The following SHANK1 variants were observed in gnomAD, a reference collection of about 807,000 sequenced individuals.
SHANK1 encodes SH3 and multiple ankyrin repeat domains 1, also known as SH3 and multiple ankyrin repeat domains protein 1.
Under a neutral mutation model 165.6 loss-of-function variants are expected in SHANK1, and 35 were observed. The observed-to-expected ratio is 0.21, with a 90% CI of 0.16 to 0.28. The LOEUF (loss-of-function observed/expected upper bound fraction) is 0.28. Ranked by LOEUF, SHANK1 falls within the 10% of genes least tolerant of loss-of-function variation. The pLI is 1.00. For synonymous variants in SHANK1, 1,428 were observed against 1,384.8 expected (o/e 1.03, Z -0.69); for missense variants, 2,681 against 3,036.4 (o/e 0.88, Z 2.75).
rs2089116743 is a variant in SHANK1 at position 50,719,786 on chromosome 19, TC to T, written c.-425del. Among the ~76,000 whole-genome samples, 1 of 150,696 alleles carries T rather than the reference TC, an allele frequency of 6.6e-6. No individual in the cohort carries two copies. The highest frequency in any genetic ancestry group is 1.5e-5 in the Non-Finnish European group (1 of 67,532). On this transcript the variant is annotated 5_prime_UTR_variant, in exon 1 of 24. Coordinates refer to ENST00000293441, the MANE Select transcript of SHANK1 (RefSeq NM_016148.5). ...CTCCTCTGCCACCCTTCTCGCTCTC[TC>T]GCTCTCGCTGTCTCTCCCTCACCCT...
intron 21 of SHANK1, among the ~76,000 whole-genome samples, chr19:50,684,294 C>T (rs931760527): frequency 4.6e-5 from 7 of 151,836 alleles, no homozygotes; most frequent in East Asian, 1.9e-4. Context: ...GGTGCGATCT[C>T]GGCTTACTGC....
intron 21 of SHANK1, among the ~76,000 whole-genome samples, chr19:50,673,444 T>C (rs1985870271): frequency 6.6e-6 from 1 of 152,140 alleles, no homozygotes; most frequent in Non-Finnish European, 1.5e-5. Context: ...CTGCGAGCCC[T>C]GGTTCTCTCG....
chr19:50,689,756 C>T (rs538812847), intron 15 of SHANK1, among the ~76,000 whole-genome samples: 7 of 152,240 alleles, frequency 4.6e-5, no homozygotes, highest in Non-Finnish European at 7.4e-5. Context: ...TTTAGTATTT[C>T]GCACAGTGCC....
chr19:50,686,702 C>A lies in SHANK1; in HGVS notation c.2458+42G>T. 1.3e-6 allele frequency: 2 copies of A among 1,592,778 alleles called. No homozygotes were observed. The highest frequency in any genetic ancestry group is 1.1e-5 in the South Asian group (1 of 90,454). ...GACAGGGATGCAGCGGGTGCCGGGGCTGGGGCCCGGCATCCCGAGGAGCAG... is the reference window on the plus strand; with the variant it reads ...GACAGGGATGCAGCGGGTGCCGGGGATGGGGCCCGGCATCCCGAGGAGCAG... On this transcript the variant is annotated intron_variant, in intron 20 of 23. Coordinates refer to ENST00000293441, the MANE Select transcript of SHANK1 (RefSeq NM_016148.5). The surrounding 1 kb of genome is among the most constrained non-coding windows in gnomAD (Gnocchi z 5.7).
intron 15 of SHANK1, among the ~76,000 whole-genome samples, chr19:50,689,824 G>C (rs1300471465): frequency 6.6e-6 from 1 of 152,164 alleles, no homozygotes; most frequent in South Asian, 2.1e-4. Context: ...AGAGTGTTAA[G>C]TCAAGAGGAC....
In SHANK1 at chr19:50,703,645, C is replaced by T. The variant is rs1030468285; in HGVS notation, c.1408G>A (p.Gly470Ser). The change falls in exon 11 of 24, where the codon GGC (glycine) becomes AGC (serine). Residue 470 changes from glycine to serine, a missense_variant. Gly to Ser is a moderately conservative substitution (Grantham distance 56). Around this residue, in one of 10 missense-constraint regions of SHANK1, gnomAD observed 195 missense variants for 186.2 expected, o/e 1.05. Coordinates refer to ENST00000293441, the MANE Select transcript of SHANK1 (RefSeq NM_016148.5). ...GTGGGGGCCGAGGGCTGCGACTGGC[C>T]CTGGGACCCTGAGGTAGGGCCAGGG... is the stretch of plus-strand genomic sequence containing the variant. ...GAPGPTSGSQGQSQPSAPTTK... is the reference protein window; with the variant it reads ...GAPGPTSGSQSQSQPSAPTTK... 1.6e-5 allele frequency: 24 copies of T among 1,528,292 alleles called. No homozygotes were observed. Among genetic ancestry groups the T allele is most frequent in the East Asian group, 2.4e-5 (1 of 41,962 alleles). 94.7% of individuals were successfully genotyped at this position (1,528,292 alleles called of 1,614,324 possible). A position where few individuals can be genotyped will look rare whatever the true frequency, so the allele number is the denominator to read the frequency against.
At position 50,686,846 on chromosome 19, in the gene SHANK1, G is replaced by A. The variant is rs536440173; in HGVS notation, c.2390-34C>T. ...AAAGAACACGGATGACGCCCAGGGA[G>A]CCCCCGGGGGCGGGGCGGAGCGGGC... On this transcript the variant is annotated intron_variant, in intron 19 of 23. Transcript: ENST00000293441. The surrounding 1 kb of genome is among the most constrained non-coding windows in gnomAD (Gnocchi z 5.7). The A allele has an allele frequency of 1.0e-4, 166 of 1,611,186 alleles. No individual in the cohort carries two copies. The highest frequency in any genetic ancestry group is 1.3e-4 in the Non-Finnish European group (157 of 1,178,134).
At position 50,660,122 on chromosome 19, in the gene SHANK1, G is replaced by T. The variant is rs951054180; in HGVS notation, c.*1843C>A. 5.9e-5 allele frequency among the ~76,000 whole-genome samples: 9 copies of T among 151,324 alleles called. No individual in the cohort carries two copies. Among genetic ancestry groups the T allele is most frequent in the East Asian group, 2.0e-4 (1 of 5,126 alleles). On this transcript the variant is annotated 3_prime_UTR_variant, in exon 24 of 24. Coordinates refer to ENST00000293441, the MANE Select transcript of SHANK1 (RefSeq NM_016148.5). Reference sequence around the variant, plus strand: ...CCCTTCTTTGGCAGCTGAACATGGGGGGGGGACCTGAGGGCAACGCCCTCC... The same window carrying T: ...CCCTTCTTTGGCAGCTGAACATGGGTGGGGGACCTGAGGGCAACGCCCTCC...
intron 15 of SHANK1, among the ~76,000 whole-genome samples, chr19:50,695,328 C>G (rs1447452235): frequency 1.3e-5 from 2 of 148,412 alleles, no homozygotes; most frequent in Non-Finnish European, 3.0e-5. Flanking sequence ...GCTTCAGCAC[C>G]GCGGACAGCT....
intron 22 of SHANK1, among the ~76,000 whole-genome samples, chr19:50,671,069 C>T (rs972983858): frequency 2.1e-5 from 3 of 145,856 alleles, no homozygotes; most frequent in African/African-American, 5.1e-5. Context: ...TGGGATTACA[C>T]GTGTGAGCCA....
chr19:50,697,264 A>G lies in SHANK1; in HGVS notation c.1938-142T>C. ...ACACATTCCCACTGCACATGACTGC[A>G]CAGAGATGGGGCACATGAAGGAGAC... On this transcript the variant is annotated intron_variant, in intron 14 of 23. Transcript: ENST00000293441. The surrounding 1 kb of genome is among the most constrained non-coding windows in gnomAD (Gnocchi z 4.7). 3.9e-6 allele frequency: 5 copies of G among 1,287,026 alleles called. No individual in the cohort carries two copies. In the South Asian group the frequency reaches 6.4e-5, roughly 17 times the overall value. The allele number at this position is 1,287,026 out of a possible 1,614,324, so 79.7% of individuals were successfully genotyped here.
intron 21 of SHANK1, among the ~76,000 whole-genome samples, chr19:50,677,047 G>T (rs893780689): frequency 6.6e-6 from 1 of 152,144 alleles, no homozygotes; most frequent in African/African-American, 2.4e-5. Context: ...TGGCTAAGAT[G>T]GTGGAGCAGA....
At chr19:50,704,372 C>G (rs2088912247) in intron 9 of SHANK1, 65 bp downstream of exon 9, 1 of 1,445,772 alleles carries the variant, frequency 6.9e-7, no homozygotes, top group Non-Finnish European at 9.7e-7. Flanking sequence ...TCCTTATCCA[C>G]TGGGTGTCAC....
Position 50,688,829 on chromosome 19 carries a change from G to T in SHANK1, c.2172+15C>A. 6.2e-7 allele frequency: 1 copy of T among 1,604,936 alleles called. No homozygotes were observed. The highest frequency in any genetic ancestry group is 8.5e-7 in the Non-Finnish European group (1 of 1,175,668). On this transcript the variant is annotated intron_variant, in intron 17 of 23. Coordinates refer to ENST00000293441, the MANE Select transcript of SHANK1 (RefSeq NM_016148.5). The surrounding 1 kb of genome is among the most constrained non-coding windows in gnomAD (Gnocchi z 6.7). Reference sequence around the variant, plus strand: ...TGTCACAGGGTCCCAGGGAAGAGAGGGGGCCTGGACTGACCTCGATGAGGA... The same window carrying T: ...TGTCACAGGGTCCCAGGGAAGAGAGTGGGCCTGGACTGACCTCGATGAGGA...
Position 50,679,809 on chromosome 19 carries a change from C to G in SHANK1, c.2577+6428G>C, listed in dbSNP as rs115713160. Among the ~76,000 whole-genome samples the G allele has an allele frequency of 6.4e-3, 962 of 151,456 alleles. 15 individuals carry two copies. Among genetic ancestry groups the G allele is most frequent in the African/African-American group, 0.022 (907 of 41,238 alleles). On this transcript the variant is annotated intron_variant, in intron 21 of 23. Transcript: ENST00000293441. Reference sequence around the variant, plus strand: ...ACAGAGAGAGGGAGACAAGGAGACACAGAGACAGACGTAGAGAGACAGAAA... The same window carrying G: ...ACAGAGAGAGGGAGACAAGGAGACAGAGAGACAGACGTAGAGAGACAGAAA...
At chr19:50,669,585 C>T (rs575283697) in intron 22 of SHANK1, among the ~76,000 whole-genome samples, 1 of 152,214 alleles carries the variant, frequency 6.6e-6, no homozygotes, top group South Asian at 2.1e-4. Context: ...TTCAAAGGCT[C>T]AGTGAACGGT....
At position 50,697,205 on chromosome 19, in the gene SHANK1, G is replaced by T; in HGVS notation, c.1938-83C>A. The T allele has an allele frequency of 6.3e-7, 1 of 1,598,978 alleles. No individual in the cohort carries two copies. Among genetic ancestry groups the T allele is most frequent in the South Asian group, 1.1e-5 (1 of 90,514 alleles). On this transcript the variant is annotated intron_variant, in intron 14 of 23. Transcript: ENST00000293441. This position sits in a 1 kb window ranked among gnomAD's most constrained non-coding sequence, Gnocchi z 4.7. ...CCTCACCCCAATCCCACCCAGCCCT[G>T]ACTGCACCCTCCCCACACCGGTGCA...
chr19:50,702,398 CT>C lies in SHANK1; in HGVS notation c.1747+68del. ...CAGGTGCCCGAGAATGGTCTGCTCT[CT>C]GCTCCACATTTTCCCTGATCGCCCC... On this transcript the variant is annotated intron_variant, in intron 12 of 23. Transcript: ENST00000293441. The surrounding 1 kb of genome is among the most constrained non-coding windows in gnomAD (Gnocchi z 5.3). 1 of 1,417,448 alleles carries C rather than the reference CT, an allele frequency of 7.1e-7. No homozygotes were observed. Among genetic ancestry groups the C allele is most frequent in the East Asian group, 2.4e-5 (1 of 42,492 alleles). The allele number at this position is 1,417,448 out of a possible 1,614,324, so 87.8% of individuals were successfully genotyped here. A position where few individuals can be genotyped will look rare whatever the true frequency, so the allele number is the denominator to read the frequency against.
chr19:50,689,430 T>C, intron 15 of SHANK1, 151 bp from the exon 16 acceptor site: 2 of 722,934 alleles, frequency 2.8e-6, no homozygotes, highest in Non-Finnish European at 5.1e-6. Flanking sequence ...TCACCCACTC[T>C]GTGTGTGTAT....
Sources: allele counts gnomAD v4.1 joint callset (sites outside exome capture counted in the v4.1 genomes callset), GRCh38; gene constraint gnomAD v4.1.1; regional missense constraint gnomAD v4.1.1; non-coding constraint Gnocchi (gnomAD v3.1); transcripts MANE v1.5; gene names NCBI Gene and HGNC (gene_info 2026-07-23, HGNC 2026-07-21).